Variants in DPP6 observed in about 807,000 individuals in gnomAD.
DPP6 encodes the protein dipeptidyl peptidase like 6.
DPP6 carries 69 observed loss-of-function variants against 122.6 expected under a neutral mutation model. The ratio of observed to expected loss-of-function variants is 0.56; its 90% CI spans 0.46 to 0.69. DPP6 has a LOEUF of 0.69. DPP6 is among the 30% of genes least tolerant of loss of function. The pLI is 0.00. For missense variants in DPP6, 928 were observed against 1,116.9 expected (o/e 0.83, Z 2.41); for synonymous variants, 418 against 433.1 (o/e 0.97, Z 0.43).
chr7:154,884,272 A>G (rs1423584862), intron 21 of DPP6: 1 of 149,984 alleles, frequency 6.7e-6, no homozygotes, highest in Non-Finnish European at 1.5e-5. Flanking sequence ...GCTCACACAT[A>G]CACATACATG....
intron 1 of DPP6, among the ~76,000 whole-genome samples, chr7:154,439,571 C>T (rs747378045): frequency 1.3e-5 from 2 of 152,160 alleles, no homozygotes; most frequent in Non-Finnish European, 2.9e-5. Flanking sequence ...ATCTATCAGA[C>T]CCAGTCAATT....
At chr7:154,366,465 A>G (rs1245947321) in intron 1 of DPP6, among the ~76,000 whole-genome samples, 1 of 152,222 alleles carries the variant, frequency 6.6e-6, no homozygotes, top group Non-Finnish European at 1.5e-5. Flanking sequence ...GAATCGGCAC[A>G]GTGGTTCTCA....
At chr7:154,237,088 G>T (rs1242033237) in intron 1 of DPP6, among the ~76,000 whole-genome samples, 2 of 152,172 alleles carry the variant, frequency 1.3e-5, no homozygotes, top group Non-Finnish European at 2.9e-5. Flanking sequence ...TTACGACTGG[G>T]CGTGAGGGAA....
the DPP6 span, among the ~76,000 whole-genome samples, chr7:153,820,538 G>T: frequency 6.6e-6 from 1 of 152,038 alleles, no homozygotes; most frequent in African/African-American, 2.4e-5. Flanking sequence ...CTTTAGAATG[G>T]GAGAGAACCA....
At chr7:154,166,566 G>T (rs1169798277) in intron 1 of DPP6, among the ~76,000 whole-genome samples, 1 of 150,080 alleles carries the variant, frequency 6.7e-6, no homozygotes, top group Non-Finnish European at 1.5e-5. Context: ...CACCCTCCCT[G>T]ACCTACAGAA....
chr7:153,857,322 T>C, the DPP6 span, among the ~76,000 whole-genome samples: 21 of 124,476 alleles, frequency 1.7e-4, no homozygotes, highest in African/African-American at 5.3e-4. Flanking sequence ...CTCAAAGGTT[T>C]TCTCTCTCTC....
intron 1 of DPP6, among the ~76,000 whole-genome samples, chr7:154,054,810 T>C (rs1354273934): frequency 1.3e-5 from 2 of 148,770 alleles, no homozygotes; most frequent in African/African-American, 5.0e-5. Flanking sequence ...TGTGGATGTT[T>C]GGAATGAGAA....
intron 3 of DPP6, among the ~76,000 whole-genome samples, chr7:154,480,571 G>C (rs141556929): frequency 2.6e-4 from 40 of 152,254 alleles, no homozygotes; most frequent in African/African-American, 9.4e-4. Flanking sequence ...TCTCCCTGAC[G>C]TTTAATATTG....
chr7:154,796,939 A>G (rs1798083533), intron 12 of DPP6, among the ~76,000 whole-genome samples: 1 of 152,200 alleles, frequency 6.6e-6, no homozygotes, highest in East Asian at 1.9e-4. Context: ...TTCATTTTAC[A>G]TGTCCCAATT....
In DPP6 at chr7:153,945,316, G is replaced by A. The variant is rs1801899462; in HGVS notation, c.51+57582G>A. Among the ~76,000 whole-genome samples the A allele has an allele frequency of 2.6e-5, 4 of 152,170 alleles. No homozygotes were observed. In the South Asian group the frequency reaches 8.3e-4, roughly 32 times the overall value. ...TCCCTCTACGGAAGTTCCCAGCCAT[G>A]CCTGGTACAGAGCATGCTACCAATT... On this transcript the variant is annotated intron_variant, in intron 1 of 25. Transcript: ENST00000404039.
intron 16 of DPP6, among the ~76,000 whole-genome samples, chr7:154,815,793 T>C (rs1188193199): frequency 6.6e-6 from 1 of 152,206 alleles, no homozygotes; most frequent in African/African-American, 2.4e-5. Flanking sequence ...CCTTTCAGTG[T>C]TGAGCCATGA....
chr7:154,098,070 C>G (rs1295652483), intron 1 of DPP6, among the ~76,000 whole-genome samples: 1 of 152,160 alleles, frequency 6.6e-6, no homozygotes, highest in Non-Finnish European at 1.5e-5. Context: ...TGTCCCCACC[C>G]AAATCTCACC....
intron 1 of DPP6, among the ~76,000 whole-genome samples, chr7:154,111,147 A>G (rs1806543065): frequency 6.6e-6 from 1 of 152,160 alleles, no homozygotes; most frequent in South Asian, 2.1e-4. Flanking sequence ...GATTGAAAGG[A>G]CAGACACATT....
chr7:154,873,524 C>T (rs1462334358), intron 19 of DPP6, among the ~76,000 whole-genome samples: 1 of 152,188 alleles, frequency 6.6e-6, no homozygotes, highest in Non-Finnish European at 1.5e-5. Flanking sequence ...TGAGTAAACG[C>T]TGGCACCTGA....
chr7:154,788,736 T>G (rs1345140318), intron 10 of DPP6, among the ~76,000 whole-genome samples: 1 of 152,176 alleles, frequency 6.6e-6, no homozygotes. Context: ...TCTTTTTTCC[T>G]ACACAGAAGT....
chr7:153,766,043 T>G, the DPP6 span, among the ~76,000 whole-genome samples: 1 of 152,246 alleles, frequency 6.6e-6, no homozygotes, highest in Non-Finnish European at 1.5e-5. Context: ...GACCACATTT[T>G]GAGTGGTAAG....
In DPP6 at chr7:154,052,859, C is replaced by T. The variant is rs1238118417; in HGVS notation, c.39C>T (p.Asn13=). The T allele has an allele frequency of 1.9e-6, 3 of 1,539,268 alleles. No homozygotes were observed. Among genetic ancestry groups the T allele is most frequent in the Non-Finnish European group, 2.6e-6 (3 of 1,143,120 alleles). Residue 13 remains asparagine (N), a synonymous_variant, in exon 1 of 26, where the codon AAC becomes AAT. Transcript: ENST00000377770. This position sits in a 1 kb window ranked among gnomAD's most constrained non-coding sequence, Gnocchi z 4.8. Reference sequence around the variant, plus strand: ...ACCAGAGGTTCACTGGCAAGATCAACACCTCGAGGTCCTTCCCCGCGCCCC... The same window carrying T: ...ACCAGAGGTTCACTGGCAAGATCAATACCTCGAGGTCCTTCCCCGCGCCCC... ...SLYQRFTGKI[N]TSRSFPAPPE...
At chr7:154,738,253 CAG>C (rs1156650427) in intron 8 of DPP6, among the ~76,000 whole-genome samples, 17 of 152,206 alleles carry the variant, frequency 1.1e-4, no homozygotes, top group Admixed American at 1.1e-3. Flanking sequence ...CCCCAGCAAA[CAG>C]GAGATAAAAG....
Position 154,859,848 on chromosome 7 carries a change from C to T in DPP6, c.1714+6021C>T, listed in dbSNP as rs1010659453. Among the ~76,000 whole-genome samples the T allele has an allele frequency of 4.5e-4, 68 of 152,270 alleles. 1 individual carries two copies. The highest frequency in any genetic ancestry group is 1.4e-3 in the African/African-American group (60 of 41,558). On this transcript the variant is annotated intron_variant, in intron 17 of 25. Coordinates refer to ENST00000377770, the MANE Select transcript of DPP6 (RefSeq NM_130797.4). Reference sequence around the variant, plus strand: ...CTTAGAGACGTGGATGCCAACTCGACGTGTGGGAGTCGAAATTGCGGTGTG... The same window carrying T: ...CTTAGAGACGTGGATGCCAACTCGATGTGTGGGAGTCGAAATTGCGGTGTG...
Sources: allele counts gnomAD v4.1 joint callset (sites outside exome capture counted in the v4.1 genomes callset), GRCh38; gene constraint gnomAD v4.1.1; non-coding constraint Gnocchi (gnomAD v3.1); transcripts MANE v1.5; gene names NCBI Gene and HGNC (gene_info 2026-07-23, HGNC 2026-07-21).